DOCK11: variants seen among roughly 807,000 people sequenced by gnomAD.
The protein encoded by DOCK11 is dedicator of cytokinesis 11, also known as dedicator of cytokinesis protein 11.
Under a neutral mutation model 169.1 loss-of-function variants are expected in DOCK11, and 70 were observed. That is an observed-to-expected ratio of 0.41 (90% CI 0.34 to 0.51). DOCK11 has a LOEUF of 0.51. Ranked by LOEUF, DOCK11 falls within the 20% of genes least tolerant of loss-of-function variation. DOCK11 has a pLI of 0.10. For synonymous variants in DOCK11, 529 were observed against 541.3 expected (o/e 0.98, Z 0.32); for missense variants, 1,166 against 1,538.8 (o/e 0.76, Z 4.05).
At chrX:118,595,295 T>C (rs769312307) in intron 20 of DOCK11, among the ~76,000 whole-genome samples, 1 of 111,520 alleles carries the variant, frequency 9.0e-6, no homozygotes, top group Non-Finnish European at 1.9e-5. Flanking sequence ...GGAAAGTGAT[T>C]GGCTATTAGA....
chrX:118,657,688 C>T (rs2016109720), intron 44 of DOCK11, among the ~76,000 whole-genome samples: 1 of 111,724 alleles, frequency 9.0e-6, no homozygotes, highest in Admixed American at 9.6e-5. Context: ...ATTTAAAACA[C>T]AAGTTAAAAA....
At chrX:118,518,017 C>T (rs1160011793) in intron 1 of DOCK11, among the ~76,000 whole-genome samples, 1 of 111,771 alleles carries the variant, frequency 8.9e-6, no homozygotes, top group African/African-American at 3.2e-5. Flanking sequence ...TTCTCTTTTG[C>T]TGCCATTAAG....
Position 118,672,496 on chromosome X carries a change from T to G in DOCK11, c.5199+1351T>G, listed in dbSNP as rs761227047. ...GGCCCAGGCCGGACTGCAGTGGCGC[T>G]ATCTCGGCTCACTGCAAGCTCCACC... On this transcript the variant is annotated intron_variant, in intron 46 of 52. Transcript: ENST00000276202. 2.2e-3 allele frequency among the ~76,000 whole-genome samples: 244 copies of G among 113,056 alleles called. 1 individual carries two copies. The highest frequency in any genetic ancestry group is 3.4e-3 in the Non-Finnish European group (179 of 53,272).
At chrX:118,561,557 G>T (rs1468507764) in intron 7 of DOCK11, 40 bp downstream of exon 7, 4 of 1,135,288 alleles carry the variant, frequency 3.5e-6, no homozygotes, top group Non-Finnish European at 3.5e-6. Flanking sequence ...TTCTAACAGG[G>T]TTATTGATAA....
intron 14 of DOCK11, 29 bp from the exon 15 acceptor site, chrX:118,584,706 T>A (rs1781091): frequency 0.38 from 409,652 of 1,078,738 alleles, 55,705 homozygotes; most frequent in African/African-American, 0.51. Flanking sequence ...ATTTTTTTTT[T>A]TAAAAAAATG....
At chrX:118,589,069 A>G (rs913082805) in intron 18 of DOCK11, among the ~76,000 whole-genome samples, 1 of 111,341 alleles carries the variant, frequency 9.0e-6, no homozygotes, top group Non-Finnish European at 1.9e-5. Context: ...TCTAGCCAGC[A>G]AGAAGTGTTT....
rs773648721 is a variant in DOCK11, at chrX:118,535,996, T to A, written c.103-6729T>A. ...GGTCATAACAAAGTCAAATACTCTT[T>A]ATTTGAACCTTATGAAGAAATTTCT... On this transcript the variant is annotated intron_variant, in intron 1 of 52. Transcript: ENST00000276202. 3.6e-5 allele frequency among the ~76,000 whole-genome samples: 4 copies of A among 111,786 alleles called. No individual in the cohort carries two copies. In the East Asian group the frequency reaches 8.5e-4, roughly 24 times the overall value.
Position 118,578,242 on chromosome X carries a change from A to C in DOCK11, c.1390-283A>C, listed in dbSNP as rs773301744. On this transcript the variant is annotated intron_variant, in intron 12 of 52. Transcript: ENST00000276202. Reference sequence around the variant, plus strand: ...ATATCTAGTTCCACTCGAGAAATGTACTCACTTCGCATACACAACCAAACC... The same window carrying C: ...ATATCTAGTTCCACTCGAGAAATGTCCTCACTTCGCATACACAACCAAACC... Among the ~76,000 whole-genome samples, 5 of 111,991 alleles carry C rather than the reference A, an allele frequency of 4.5e-5. No individual in the cohort carries two copies. The South Asian group carries it at 1.9e-3, about 42-fold the overall frequency.
At chrX:118,665,114 T>C (rs2016309180) in intron 45 of DOCK11, among the ~76,000 whole-genome samples, 1 of 112,035 alleles carries the variant, frequency 8.9e-6, no homozygotes, top group African/African-American at 3.2e-5. Flanking sequence ...TCACAATACA[T>C]GCGAAAACTT....
chrX:118,643,926 A>C (rs755464989), intron 40 of DOCK11, among the ~76,000 whole-genome samples: 12 of 111,875 alleles, frequency 1.1e-4, no homozygotes, highest in Non-Finnish European at 2.3e-4. Flanking sequence ...TATATAAGCC[A>C]TGAGTGCACT....
Position 118,638,093 on chromosome X carries a change from C to G in DOCK11, c.3967C>G (p.His1323Asp). 8.3e-7 allele frequency: 1 copy of G among 1,205,401 alleles called. No homozygotes were observed. Among genetic ancestry groups the G allele is most frequent in the Admixed American group, 2.2e-5 (1 of 45,754 alleles). Residue 1323 changes from histidine (H) to aspartate (D), a missense_variant, in exon 37 of 53, where the codon CAC becomes GAC. Physicochemically the swap from His to Asp is moderately conservative, Grantham distance 81. Transcript: ENST00000276202. ...ILILLEVCLF[H>D]FRYMGKRNIA... The stretch of plus-strand genomic sequence containing the variant: ...TTTTCTTTCTAGAGTATGCTTGTTT[C>G]ACTTTAGATATATGGGGAAAAGAAA...
chrX:118,663,917 C>A (rs184532776), intron 45 of DOCK11, among the ~76,000 whole-genome samples: 1 of 110,158 alleles, frequency 9.1e-6, no homozygotes, highest in Non-Finnish European at 1.9e-5. Flanking sequence ...TCATGATCCA[C>A]CTGCCTTGAC....
At chrX:118,574,160 G>A in intron 12 of DOCK11, 142 bp downstream of exon 12, 2 of 626,788 alleles carry the variant, frequency 3.2e-6, no homozygotes, top group Non-Finnish European at 4.7e-6. Context: ...TCTGGTTACT[G>A]AAGTTTGAGG....
In DOCK11 at chrX:118,574,364, G is replaced by A. The variant is rs369247034; in HGVS notation, c.1389+346G>A. 3.1e-4 allele frequency among the ~76,000 whole-genome samples: 34 copies of A among 111,432 alleles called. No homozygotes were observed. In the East Asian group the frequency reaches 8.5e-3, roughly 28 times the overall value. Reference sequence around the variant, plus strand: ...GCAGATCACTTGAGGTCAAGAGTTCGAGACCAGCCTGGCCAACATGGTGAA... The same window carrying A: ...GCAGATCACTTGAGGTCAAGAGTTCAAGACCAGCCTGGCCAACATGGTGAA... On this transcript the variant is annotated intron_variant, in intron 12 of 52. Transcript: ENST00000276202.
At chrX:118,588,062 A>T in intron 16 of DOCK11, 75 bp from the exon 17 acceptor site, 1 of 883,406 alleles carries the variant, frequency 1.1e-6, no homozygotes, top group Non-Finnish European at 1.5e-6. Flanking sequence ...ATTCATGTAT[A>T]TTTTTTATAC....
chrX:118,531,410 C>T (rs1263725846), intron 1 of DOCK11, among the ~76,000 whole-genome samples: 1 of 30,991 alleles, frequency 3.2e-5, no homozygotes, highest in East Asian at 1.3e-3. Flanking sequence ...GAGCCATATA[C>T]TCAAAAAAAA....
At chrX:118,562,174 A>G (rs1056600770) in intron 7 of DOCK11, among the ~76,000 whole-genome samples, 1 of 109,435 alleles carries the variant, frequency 9.1e-6, no homozygotes, top group Non-Finnish European at 1.9e-5. Context: ...ACAAAAAAAA[A>G]AAAAGGAAAG....
intron 13 of DOCK11, among the ~76,000 whole-genome samples, chrX:118,579,654 A>C (rs912086274): frequency 2.7e-5 from 3 of 112,024 alleles, no homozygotes; most frequent in Non-Finnish European, 5.6e-5. Context: ...TGCAAACAGC[A>C]GCTCCTGCCC....
chrX:118,683,394 T>C (rs1167474512), intron 52 of DOCK11, among the ~76,000 whole-genome samples, 177 bp downstream of exon 52: 1 of 112,409 alleles, frequency 8.9e-6, no homozygotes, highest in Non-Finnish European at 1.9e-5. Context: ...TTTGCAACAA[T>C]TATCTAAAGT....
Sources: gnomAD v4.1 joint callset for allele counts (sites outside exome capture counted in the v4.1 genomes callset) on GRCh38, gnomAD v4.1.1 for gene constraint, MANE v1.5 for transcripts, NCBI Gene and HGNC (gene_info 2026-07-23, HGNC 2026-07-21) for gene names.